SLC20A2: variants seen among roughly 807,000 people sequenced by gnomAD.
SLC20A2 encodes the protein solute carrier family 20 member 2.
Under a neutral mutation model 61.0 loss-of-function variants are expected in SLC20A2, and 30 were observed. The ratio of observed to expected loss-of-function variants is 0.49; its 90% confidence interval spans 0.37 to 0.67. The LOEUF (loss-of-function observed/expected upper bound fraction) is 0.67, where lower values mean the gene tolerates loss of function less well. SLC20A2 is among the 30% of genes least tolerant of loss of function. SLC20A2 has a pLI of 0.00. For synonymous variants in SLC20A2, 351 were observed against 353.3 expected (o/e 0.99, Z 0.07); for missense variants, 626 against 866.4 (o/e 0.72, Z 3.48).
At chr8:42,485,558 C>T (rs531727164) in intron 1 of SLC20A2, among the ~76,000 whole-genome samples, 8 of 144,502 alleles carry the variant, frequency 5.5e-5, no homozygotes, top group Admixed American at 4.3e-4. Context: ...AGGAGAATCG[C>T]TTGAACCCAG....
Position 42,437,042 on chromosome 8 carries a change from C to T in SLC20A2, c.1470G>A (p.Leu490=), listed in dbSNP as rs1223970337. 6.2e-7 allele frequency: 1 copy of T among 1,613,890 alleles called. No homozygotes were observed. Among genetic ancestry groups the T allele is most frequent in the Non-Finnish European group, 8.5e-7 (1 of 1,179,886 alleles). Reference sequence around the variant, plus strand: ...ACCCGAAACAGGCGGTGAGGACCTGCAGGAAATGGAACAGGAGGTGAACCT... The same window carrying T: ...ACCCGAAACAGGCGGTGAGGACCTGTAGGAAATGGAACAGGAGGTGAACCT... ...APEVHLLFHF[L]QVLTACFGSF... The change falls in exon 8 of 11, where the codon CTG becomes CTA. Residue 490 remains leucine, a synonymous_variant. Transcript: ENST00000520262. This position sits in a 1 kb window ranked among gnomAD's most constrained non-coding sequence, Gnocchi z 6.4.
At chr8:42,442,441 TC>T (rs1804861014) in intron 6 of SLC20A2, among the ~76,000 whole-genome samples, 1 of 152,244 alleles carries the variant, frequency 6.6e-6, no homozygotes, top group African/African-American at 2.4e-5. Context: ...TGTCAAGTGT[TC>T]CAAAACCATT....
intron 1 of SLC20A2, among the ~76,000 whole-genome samples, chr8:42,500,211 T>C (rs1195741295): frequency 6.6e-6 from 1 of 152,236 alleles, no homozygotes. Flanking sequence ...GATAAAGAAA[T>C]TCCTGCCTGG....
intron 1 of SLC20A2, among the ~76,000 whole-genome samples, chr8:42,532,739 A>G (rs1812414656): frequency 6.6e-6 from 1 of 152,234 alleles, no homozygotes. Flanking sequence ...AAGGAACCAG[A>G]GCTAGATAAG....
chr8:42,485,883 T>A (rs1397503996), intron 1 of SLC20A2, among the ~76,000 whole-genome samples: 1 of 150,550 alleles, frequency 6.6e-6, no homozygotes, highest in African/African-American at 2.4e-5. Context: ...GAGGCGGAGG[T>A]TGCAGTGAGC....
At chr8:42,492,693 CTT>C (rs879941614) in intron 1 of SLC20A2, among the ~76,000 whole-genome samples, 5 of 144,826 alleles carry the variant, frequency 3.5e-5, no homozygotes, top group Non-Finnish European at 4.6e-5. Context: ...ACTTGGTTTT[CTT>C]TTTTTTTTTT....
At chr8:42,435,619 G>A (rs937755100) in intron 8 of SLC20A2, among the ~76,000 whole-genome samples, 6 of 152,008 alleles carry the variant, frequency 3.9e-5, no homozygotes, top group South Asian at 2.1e-4. Flanking sequence ...AGGCCTGGGC[G>A]TGGGGTGGGG....
At chr8:42,453,926 T>C (rs1205793495) in intron 5 of SLC20A2, among the ~76,000 whole-genome samples, 1 of 152,186 alleles carries the variant, frequency 6.6e-6, no homozygotes, top group African/African-American at 2.4e-5. Context: ...ACAGGCACGG[T>C]TGGCCTTCTC....
At position 42,439,577 on chromosome 8, in the gene SLC20A2, T is replaced by C. The variant is rs1269003143; in HGVS notation, c.807A>G (p.Pro269=). 6.2e-7 allele frequency: 1 copy of C among 1,614,206 alleles called. No individual in the cohort carries two copies. Among genetic ancestry groups the C allele is most frequent in the East Asian group, 2.2e-5 (1 of 44,886 alleles). The change falls in exon 7 of 11, where the codon CCA becomes CCG. Residue 269 remains proline (P), a synonymous_variant. Transcript: ENST00000520262. ...SLSKVQEAES[P]VFKELPGAKA... ...TGGCACCTGGTAGCTCTTTAAATACTGGGGACTCTGCTTCCTGAACCTTAC... is the reference window on the plus strand; with the variant it reads ...TGGCACCTGGTAGCTCTTTAAATACCGGGGACTCTGCTTCCTGAACCTTAC...
intron 1 of SLC20A2, among the ~76,000 whole-genome samples, chr8:42,529,174 A>G (rs1812176458): frequency 6.6e-6 from 1 of 151,870 alleles, no homozygotes; most frequent in Admixed American, 6.6e-5. Flanking sequence ...TTGCTATGTT[A>G]ACTAGGCTGC....
intron 6 of SLC20A2, among the ~76,000 whole-genome samples, chr8:42,443,264 G>GATATAT (rs869057900): frequency 9.5e-6 from 1 of 105,480 alleles, no homozygotes; most frequent in Non-Finnish European, 1.9e-5. Context: ...ATTATTATAG[G>GATATAT]ATATATATAT....
upstream of SLC20A2, among the ~76,000 whole-genome samples, chr8:42,501,666 T>C (rs1487010105): frequency 6.6e-6 from 1 of 152,254 alleles, no homozygotes; most frequent in Non-Finnish European, 1.5e-5. Context: ...TTCTCTATAA[T>C]GAACTGATTG....
At chr8:42,486,166 G>GTGTA (rs991861825) in intron 1 of SLC20A2, among the ~76,000 whole-genome samples, 1 of 151,928 alleles carries the variant, frequency 6.6e-6, no homozygotes, top group African/African-American at 2.4e-5. Flanking sequence ...GTGTGTGTGT[G>GTGTA]TGTATGTGTG....
chr8:42,442,927 A>C (rs1412591747), intron 6 of SLC20A2, among the ~76,000 whole-genome samples: 1 of 152,132 alleles, frequency 6.6e-6, no homozygotes, highest in Admixed American at 6.6e-5. Context: ...AAATGTAAAT[A>C]TCTGTTTTTT....
At chr8:42,436,963 T>TTGAA (rs777304600) in intron 8 of SLC20A2, 26 bp downstream of exon 8, 9 of 1,565,024 alleles carry the variant, frequency 5.8e-6, no homozygotes, top group African/African-American at 4.1e-5. Flanking sequence ...AGGACCCTTG[T>TTGAA]TGAATGAATG....
At chr8:42,443,495 T>G (rs1321202307) in intron 6 of SLC20A2, among the ~76,000 whole-genome samples, 2 of 151,388 alleles carry the variant, frequency 1.3e-5, no homozygotes, top group Non-Finnish European at 2.9e-5. Flanking sequence ...TTTTGTATTT[T>G]TAGTAGAGAC....
intron 1 of SLC20A2, among the ~76,000 whole-genome samples, chr8:42,510,188 T>C (rs925757836): frequency 1.3e-5 from 2 of 152,240 alleles, no homozygotes; most frequent in African/African-American, 2.4e-5. Context: ...GGATAGTTAC[T>C]GGATTATACT....
chr8:42,533,806 G>C (rs951004726), intron 1 of SLC20A2, among the ~76,000 whole-genome samples: 1 of 151,060 alleles, frequency 6.6e-6, no homozygotes, highest in Non-Finnish European at 1.5e-5. Flanking sequence ...TTACAGGCGT[G>C]CACCACCATG....
intron 1 of SLC20A2, among the ~76,000 whole-genome samples, chr8:42,532,375 G>A (rs1159774631): frequency 1.3e-5 from 2 of 152,016 alleles, no homozygotes; most frequent in African/African-American, 4.8e-5. Context: ...CCCCAAACTT[G>A]CTTTGGGTGT....
Sources: allele counts gnomAD v4.1 joint callset (sites outside exome capture counted in the v4.1 genomes callset), GRCh38; gene constraint gnomAD v4.1.1; non-coding constraint Gnocchi (gnomAD v3.1); transcripts MANE v1.5; gene names NCBI Gene and HGNC (gene_info 2026-07-23, HGNC 2026-07-21).